CCSER1: variants seen among roughly 807,000 people sequenced by gnomAD.
The protein encoded by CCSER1 is coiled-coil serine rich protein 1, also known as serine-rich coiled-coil domain-containing protein 1.
CCSER1 carries 41 observed loss-of-function variants against 82.0 expected under a neutral mutation model. The ratio of observed to expected loss-of-function variants is 0.50; its 90% confidence interval spans 0.39 to 0.65. CCSER1 has a LOEUF of 0.65. CCSER1 is among the 30% of genes least tolerant of loss of function. The pLI is 0.00. For missense variants in CCSER1, 1,119 were observed against 1,064.2 expected, an observed-to-expected ratio of 1.05 and a Z score of -0.72; for synonymous variants, 414 against 383.9, an observed-to-expected ratio of 1.08 and a Z score of -0.92.
At chr4:90,668,914 A>G (rs1429995838) in intron 6 of CCSER1, among the ~76,000 whole-genome samples, 1 of 152,138 alleles carries the variant, frequency 6.6e-6, no homozygotes, top group Non-Finnish European at 1.5e-5. Flanking sequence ...TCCAGGTACT[A>G]ATACAGTAAG....
chr4:91,009,859 T>C (rs1738859227), intron 9 of CCSER1, among the ~76,000 whole-genome samples: 1 of 152,200 alleles, frequency 6.6e-6, no homozygotes, highest in African/African-American at 2.4e-5. Flanking sequence ...TTTTAAAAAC[T>C]TATTGCAGCT....
intron 8 of CCSER1, among the ~76,000 whole-genome samples, chr4:90,903,179 T>A (rs937952883): frequency 2.0e-5 from 3 of 152,074 alleles, no homozygotes; most frequent in Non-Finnish European, 4.4e-5. Flanking sequence ...AAATCTCAAC[T>A]TGAATTGTAT....
intron 4 of CCSER1, among the ~76,000 whole-genome samples, chr4:90,460,790 G>A (rs949750787): frequency 6.6e-6 from 1 of 151,974 alleles, no homozygotes; most frequent in Admixed American, 6.6e-5. Flanking sequence ...TCTGTACTGT[G>A]GCTGTATTTT....
chr4:91,274,078 G>C (rs1373181968), intron 10 of CCSER1, among the ~76,000 whole-genome samples: 1 of 151,900 alleles, frequency 6.6e-6, no homozygotes, highest in African/African-American at 2.4e-5. Flanking sequence ...ATAAAGTCTG[G>C]GTTCAGTAAA....
intron 10 of CCSER1, among the ~76,000 whole-genome samples, chr4:91,342,758 G>A (rs1484030857): frequency 6.6e-6 from 1 of 152,036 alleles, no homozygotes; most frequent in African/African-American, 2.4e-5. Flanking sequence ...ATTACATATA[G>A]GTTGTATGCC....
chr4:90,971,457 T>C (rs534761036), intron 9 of CCSER1, among the ~76,000 whole-genome samples: 1 of 151,926 alleles, frequency 6.6e-6, no homozygotes, highest in African/African-American at 2.4e-5. Flanking sequence ...GGGATTACAA[T>C]TGAACATGAG....
chr4:91,059,790 T>C (rs965710523), intron 9 of CCSER1, among the ~76,000 whole-genome samples: 1 of 152,020 alleles, frequency 6.6e-6, no homozygotes, highest in African/African-American at 2.4e-5. Flanking sequence ...TCCAAAAACA[T>C]TTATGCAAGA....
At chr4:90,745,678 C>CTTTTTTT (rs537380046) in intron 7 of CCSER1, among the ~76,000 whole-genome samples, 95 of 72,242 alleles carry the variant, frequency 1.3e-3, no homozygotes, top group Non-Finnish European at 1.8e-3. Context: ...TTTCTTTTAT[C>CTTTTTTT]TTTTTTTTTT....
At chr4:90,796,957 A>G (rs1286918742) in intron 7 of CCSER1, among the ~76,000 whole-genome samples, 1 of 152,106 alleles carries the variant, frequency 6.6e-6, no homozygotes, top group African/African-American at 2.4e-5. Context: ...AAGCATGTAT[A>G]TTCTGTTCTT....
At chr4:90,756,067 A>C (rs1429915677) in intron 7 of CCSER1, among the ~76,000 whole-genome samples, 1 of 152,076 alleles carries the variant, frequency 6.6e-6, no homozygotes, top group Non-Finnish European at 1.5e-5. Flanking sequence ...TCTGTACTAA[A>C]AATATAAAAC....
chr4:90,622,522 G>A (rs1016135369), intron 5 of CCSER1, among the ~76,000 whole-genome samples: 2 of 152,006 alleles, frequency 1.3e-5, no homozygotes, highest in Non-Finnish European at 2.9e-5. Context: ...TGCGGTGTTT[G>A]TTTTTTTGTC....
chr4:90,559,806 T>C (rs1184222069), intron 5 of CCSER1, among the ~76,000 whole-genome samples: 2 of 58,052 alleles, frequency 3.4e-5, no homozygotes, highest in African/African-American at 3.7e-4. Flanking sequence ...CGAGACTCCG[T>C]CTCAAAAAAA....
chr4:90,286,470 C>G, intron 1 of CCSER1, among the ~76,000 whole-genome samples: 1 of 151,922 alleles, frequency 6.6e-6, no homozygotes, highest in East Asian at 1.9e-4. Flanking sequence ...TAGTTTGTGC[C>G]ACTTACACAG....
chr4:90,563,652 G>GTA (rs1779041394), intron 5 of CCSER1, among the ~76,000 whole-genome samples: 2 of 152,086 alleles, frequency 1.3e-5, no homozygotes, highest in South Asian at 2.1e-4. Flanking sequence ...ATTTTATTGT[G>GTA]TATATATATT....
At chr4:91,427,831 A>T (rs1169312197) in intron 10 of CCSER1, among the ~76,000 whole-genome samples, 1 of 152,078 alleles carries the variant, frequency 6.6e-6, no homozygotes, top group African/African-American at 2.4e-5. Context: ...TGGAATTTTA[A>T]ATGATCTGGT....
chr4:91,298,983 G>T (rs1474239835), intron 10 of CCSER1, among the ~76,000 whole-genome samples: 1 of 151,866 alleles, frequency 6.6e-6, no homozygotes, highest in Non-Finnish European at 1.5e-5. Flanking sequence ...GGTGAGAAAG[G>T]CAAATACTTT....
At chr4:90,427,301 A>G (rs556580851) in intron 4 of CCSER1, among the ~76,000 whole-genome samples, 19 of 152,012 alleles carry the variant, frequency 1.2e-4, no homozygotes, top group African/African-American at 4.6e-4. Flanking sequence ...GACATTAGAT[A>G]TATTTCTTGT....
At chr4:90,500,645 A>G (rs1199774313) in intron 5 of CCSER1, among the ~76,000 whole-genome samples, 1 of 152,150 alleles carries the variant, frequency 6.6e-6, no homozygotes, top group Non-Finnish European at 1.5e-5. Flanking sequence ...TCTTTTGTTT[A>G]AATCATATTT....
At chr4:90,820,742 T>C (rs1759625708) in intron 8 of CCSER1, among the ~76,000 whole-genome samples, 2 of 151,022 alleles carry the variant, frequency 1.3e-5, no homozygotes, top group South Asian at 4.2e-4. Context: ...TTATATATTA[T>C]ATATATTTTT....
Sources: gnomAD v4.1 joint callset for allele counts (sites outside exome capture counted in the v4.1 genomes callset) on GRCh38, gnomAD v4.1.1 for gene constraint, MANE v1.5 for transcripts, NCBI Gene and HGNC (gene_info 2026-07-23, HGNC 2026-07-21) for gene names.